FSTL5: variants seen among roughly 807,000 people sequenced by gnomAD.
The protein encoded by FSTL5 is follistatin like 5.
In FSTL5, 62 loss-of-function variants were observed where a neutral mutation model predicts 89.1. The observed-to-expected ratio is 0.70, with a 90% CI of 0.57 to 0.86. FSTL5 has a LOEUF of 0.86. Ranked by LOEUF, FSTL5 falls within the 40% of genes least tolerant of loss-of-function variation. The pLI, the probability that FSTL5 is intolerant of heterozygous loss-of-function variation, is 0.00. For synonymous variants in FSTL5, 383 were observed against 346.2 expected (o/e 1.11, Z -1.18); for missense variants, 1,057 against 1,001.6 (o/e 1.06, Z -0.75).
At chr4:162,066,325 T>TCTTCTTCTG (rs1738903422) in intron 2 of FSTL5, among the ~76,000 whole-genome samples, 1 of 109,950 alleles carries the variant, frequency 9.1e-6, no homozygotes, top group African/African-American at 3.4e-5. Context: ...TTCTTCTTCT[T>TCTTCTTCTG]CTTCTTCTTC....
intron 4 of FSTL5, among the ~76,000 whole-genome samples, chr4:161,859,764 A>G (rs557822381): frequency 2.0e-5 from 3 of 152,268 alleles, no homozygotes; most frequent in African/African-American, 7.2e-5. Context: ...CAGAGGCTTG[A>G]ATACCACGGA....
In FSTL5 at chr4:161,574,280, A is replaced by G. The variant is rs554051142; in HGVS notation, c.1015+13175T>C. Among the ~76,000 whole-genome samples the G allele has an allele frequency of 6.6e-5, 10 of 151,224 alleles. No individual in the cohort carries two copies. In the East Asian group the frequency reaches 1.6e-3, roughly 24 times the overall value. ...TTGGAGAGAATATTCACCTGACCAC[A>G]CCCAGGCAACTTCTATCTTTTTCTT... On this transcript the variant is annotated intron_variant, in intron 8 of 15. Transcript: ENST00000306100.
intron 9 of FSTL5, among the ~76,000 whole-genome samples, chr4:161,541,923 T>C (rs1375335068): frequency 6.6e-6 from 1 of 151,938 alleles, no homozygotes; most frequent in African/African-American, 2.4e-5. Context: ...TCTTGCCTGG[T>C]TTTGTTTATT....
At chr4:161,951,473 G>A (rs1341465313) in intron 3 of FSTL5, among the ~76,000 whole-genome samples, 1 of 151,962 alleles carries the variant, frequency 6.6e-6, no homozygotes, top group African/African-American at 2.4e-5. Context: ...AACCTCTGCT[G>A]GGTTTTCTTA....
rs763424057 is a variant in FSTL5 at position 161,920,455 on chromosome 4, G to A, written c.358C>T (p.Leu120=). Residue 120 remains leucine, a synonymous_variant, in exon 4 of 16, where the codon CTG becomes TTG. Transcript: ENST00000306100. The part of the protein sequence containing the change: ...NHCEVHRAAC[L]KKQKITIVHN... ...ACAATGGTAATCTTTTGTTTTTTCA[G>A]GCAAGCAGCTCTGTGCACTTCACAG... is the stretch of plus-strand genomic sequence containing the variant. 1 of 1,613,708 alleles carries A rather than the reference G, an allele frequency of 6.2e-7. No individual in the cohort carries two copies. Among genetic ancestry groups the A allele is most frequent in the Non-Finnish European group, 8.5e-7 (1 of 1,179,864 alleles).
chr4:162,134,893 C>T (rs1010264842), intron 1 of FSTL5, among the ~76,000 whole-genome samples: 8 of 152,170 alleles, frequency 5.3e-5, no homozygotes, highest in Non-Finnish European at 7.4e-5. Context: ...TTGTTATTAC[C>T]GTTTCCTCAA....
chr4:162,147,528 C>T (rs945959239), intron 1 of FSTL5, among the ~76,000 whole-genome samples: 2 of 152,124 alleles, frequency 1.3e-5, no homozygotes, highest in African/African-American at 4.8e-5. Context: ...TATACAATCA[C>T]TCTATTGCTA....
chr4:162,013,279 G>A (rs1736822646), intron 3 of FSTL5, among the ~76,000 whole-genome samples: 1 of 152,078 alleles, frequency 6.6e-6, no homozygotes, highest in South Asian at 2.1e-4. Context: ...ATTCACCCAG[G>A]TCTTTGGGAA....
chr4:161,887,569 A>G (rs1303700818), intron 4 of FSTL5, among the ~76,000 whole-genome samples: 1 of 152,066 alleles, frequency 6.6e-6, no homozygotes, highest in Non-Finnish European at 1.5e-5. Flanking sequence ...TTTTGCTACA[A>G]TATCCTTAAT....
intron 2 of FSTL5, among the ~76,000 whole-genome samples, chr4:162,103,135 A>G (rs999281513): frequency 6.6e-6 from 1 of 152,152 alleles, no homozygotes; most frequent in African/African-American, 2.4e-5. Flanking sequence ...TATCTTGAGA[A>G]TTTTAGAAGT....
intron 6 of FSTL5, among the ~76,000 whole-genome samples, chr4:161,719,455 G>A (rs1739114359): frequency 6.6e-6 from 1 of 152,084 alleles, no homozygotes; most frequent in Non-Finnish European, 1.5e-5. Flanking sequence ...TTTTGCTCTT[G>A]ATTAAAGTTG....
intron 5 of FSTL5, among the ~76,000 whole-genome samples, chr4:161,772,920 G>C (rs1178103548): frequency 6.6e-6 from 1 of 152,088 alleles, no homozygotes; most frequent in Non-Finnish European, 1.5e-5. Context: ...AAATCTGGAG[G>C]AATCACACTA....
At chr4:161,689,874 A>G (rs1390615658) in intron 6 of FSTL5, among the ~76,000 whole-genome samples, 1 of 152,162 alleles carries the variant, frequency 6.6e-6, no homozygotes, top group Non-Finnish European at 1.5e-5. Context: ...CCTACTATGG[A>G]TATTCCATAT....
intron 6 of FSTL5, among the ~76,000 whole-genome samples, chr4:161,722,242 G>C (rs565717675): frequency 3.3e-5 from 5 of 152,032 alleles, no homozygotes; most frequent in Non-Finnish European, 7.4e-5. Context: ...ATTTTCCTTA[G>C]CAAAATTCTT....
chr4:162,044,840 T>C (rs1738111007), intron 2 of FSTL5, among the ~76,000 whole-genome samples: 1 of 152,178 alleles, frequency 6.6e-6, no homozygotes, highest in Admixed American at 6.6e-5. Flanking sequence ...GCTTCCAACT[T>C]TTCTTCTGCA....
At chr4:161,880,180 A>T (rs1732581903) in intron 4 of FSTL5, among the ~76,000 whole-genome samples, 1 of 152,114 alleles carries the variant, frequency 6.6e-6, no homozygotes, top group African/African-American at 2.4e-5. Flanking sequence ...GGTAAATTTT[A>T]CTGCATGCAA....
chr4:161,771,306 C>A (rs965691732), intron 5 of FSTL5, among the ~76,000 whole-genome samples: 2 of 152,060 alleles, frequency 1.3e-5, no homozygotes, highest in African/African-American at 4.8e-5. Flanking sequence ...ACAAGTACAT[C>A]ATGCTTTCTA....
intron 6 of FSTL5, among the ~76,000 whole-genome samples, chr4:161,701,692 C>A (rs555673281): frequency 7.2e-5 from 11 of 151,936 alleles, no homozygotes; most frequent in East Asian, 3.9e-4. Context: ...CCTTGCTATT[C>A]AAAATATGTT....
intron 3 of FSTL5, among the ~76,000 whole-genome samples, chr4:162,023,244 A>G (rs992801185): frequency 6.6e-6 from 1 of 152,070 alleles, no homozygotes; most frequent in Non-Finnish European, 1.5e-5. Flanking sequence ...ACGATTTTTT[A>G]ATTTTGTTCA....
Sources: gnomAD v4.1 joint callset for allele counts (sites outside exome capture counted in the v4.1 genomes callset) on GRCh38, gnomAD v4.1.1 for gene constraint, MANE v1.5 for transcripts, NCBI Gene and HGNC (gene_info 2026-07-23, HGNC 2026-07-21) for gene names.